KIAA0319L: variants seen among roughly 807,000 people sequenced by gnomAD.
The protein encoded by KIAA0319L is dyslexia-associated protein KIAA0319-like protein.
KIAA0319L carries 55 observed loss-of-function variants against 120.1 expected under a neutral mutation model. The ratio of observed to expected loss-of-function variants is 0.46; its 90% confidence interval spans 0.37 to 0.57. The LOEUF (loss-of-function observed/expected upper bound fraction) is 0.57. Among genes scored for constraint, KIAA0319L ranks in the 20% least tolerant of loss-of-function variants. The pLI, the probability that KIAA0319L is intolerant of heterozygous loss-of-function variation, is 0.00. For missense variants in KIAA0319L, 1,049 were observed against 1,255.3 expected (o/e 0.84, Z 2.48); for synonymous variants, 398 against 471.9 (o/e 0.84, Z 2.03).
At chr1:35,447,672 A>C (rs1023462532) in intron 16 of KIAA0319L, among the ~76,000 whole-genome samples, 12 of 151,666 alleles carry the variant, frequency 7.9e-5, no homozygotes, top group Non-Finnish European at 1.6e-4. Flanking sequence ...CCTGGGCTCA[A>C]GTAATTCTCC....
In KIAA0319L at chr1:35,437,245, C is replaced by T. The variant is rs528974536; in HGVS notation, c.2963-2164G>A. Among the ~76,000 whole-genome samples the T allele has an allele frequency of 5.9e-5, 9 of 152,328 alleles. No homozygotes were observed. The East Asian group carries it at 9.6e-4, about 16-fold the overall frequency. ...TCACCTCTGCAGCGCGGCACTTCTC[C>T]GGGCCATCACCGCCCGTTTCTCCCC... is the stretch of plus-strand genomic sequence containing the variant. On this transcript the variant is annotated intron_variant, in intron 20 of 20. Coordinates refer to ENST00000325722, the MANE Select transcript of KIAA0319L (RefSeq NM_024874.5). This position sits in a 1 kb window ranked among gnomAD's most constrained non-coding sequence, Gnocchi z 4.1.
At position 35,453,757 on chromosome 1, in the gene KIAA0319L, A is replaced by G. The variant is rs910414230; in HGVS notation, c.1781-68T>C. ...TGGGAAAGGAGAGGAACCAATTGGG[A>G]CACATGTTCTGGAAGCCATGGACTC... On this transcript the variant is annotated intron_variant, in intron 11 of 20. Coordinates refer to ENST00000325722, the MANE Select transcript of KIAA0319L (RefSeq NM_024874.5). This position sits in a 1 kb window ranked among gnomAD's most constrained non-coding sequence, Gnocchi z 4.1. 1.1e-5 allele frequency: 16 copies of G among 1,504,120 alleles called. No individual in the cohort carries two copies. In the African/African-American group the frequency reaches 2.1e-4, roughly 20 times the overall value. The allele number at this position is 1,504,120 out of a possible 1,614,324, so 93.2% of individuals were successfully genotyped here.
chr1:35,470,831 T>A, intron 6 of KIAA0319L, 32 bp downstream of exon 6: 3 of 1,313,392 alleles, frequency 2.3e-6, no homozygotes, highest in South Asian at 2.4e-5. Flanking sequence ...CTCCTCTACC[T>A]TTGCCCTGCA....
chr1:35,450,454 G>T lies in KIAA0319L; in HGVS notation c.2118C>A (p.Pro706=). The change falls in exon 14 of 21, where the codon CCC becomes CCA. Residue 706 remains proline, a synonymous_variant. Transcript: ENST00000325722. ...KITGNVVITL[P]TSTAELDGSK... is the part of the protein sequence containing the mutation. Reference sequence around the variant, plus strand: ...AGCCATCCAGCTCTGCTGTGCTCGTGGGTAGGGTAATCACCACATTCCCAG... The same window carrying T: ...AGCCATCCAGCTCTGCTGTGCTCGTTGGTAGGGTAATCACCACATTCCCAG... 6.2e-7 allele frequency: 1 copy of T among 1,614,018 alleles called. No individual in the cohort carries two copies. The highest frequency in any genetic ancestry group is 8.5e-7 in the Non-Finnish European group (1 of 1,179,862).
upstream of KIAA0319L, chr1:35,557,567 C>T (rs1648310709): frequency 2.2e-5 from 9 of 412,584 alleles, no homozygotes; most frequent in Admixed American, 2.4e-4. Context: ...GGAATCTGGG[C>T]CCCCAGCCTC....
chr1:35,514,374 A>C (rs554397074), intron 2 of KIAA0319L, among the ~76,000 whole-genome samples: 7 of 151,924 alleles, frequency 4.6e-5, no homozygotes, highest in East Asian at 3.9e-4. Flanking sequence ...TAAAAAAAAA[A>C]AACAAAACTT....
chr1:35,555,284 A>T (rs1453286325), intron 1 of KIAA0319L, among the ~76,000 whole-genome samples: 2 of 152,222 alleles, frequency 1.3e-5, no homozygotes, highest in Non-Finnish European at 2.9e-5. Context: ...AGTTCTGAAG[A>T]AGCAATTCAA....
chr1:35,554,553 G>T, intron 1 of KIAA0319L, 34 bp from the exon 2 acceptor site: 4 of 1,281,272 alleles, frequency 3.1e-6, no homozygotes, highest in Non-Finnish European at 4.3e-6. Context: ...ATTACATGCC[G>T]AGTAATTAAT....
At chr1:35,545,086 C>A (rs1646931945) in intron 2 of KIAA0319L, among the ~76,000 whole-genome samples, 1 of 152,112 alleles carries the variant, frequency 6.6e-6, no homozygotes, top group African/African-American at 2.4e-5. Context: ...CCCAGAAGTC[C>A]AGTGGGAGGG....
intron 2 of KIAA0319L, among the ~76,000 whole-genome samples, chr1:35,544,138 C>T (rs1051549111): frequency 2.0e-5 from 3 of 152,126 alleles, no homozygotes; most frequent in Non-Finnish European, 2.9e-5. Flanking sequence ...GGGGCCAAGG[C>T]GGGCAGATTG....
rs143992851 is a variant in KIAA0319L, at chr1:35,479,004, G to T, written c.875C>A (p.Pro292His). The T allele has an allele frequency of 1.3e-5, 21 of 1,614,014 alleles. No homozygotes were observed. Among genetic ancestry groups the T allele is most frequent in the East Asian group, 2.2e-5 (1 of 44,900 alleles). ...APSYSYATPTPQASFQSTSAP... is the reference protein window; with the variant it reads ...APSYSYATPTHQASFQSTSAP... ...TGAGGTGCTCTGGAAAGAGGCCTGG[G>T]GGGTAGGGGTAGCATAACTGTAGGA... The change falls in exon 4 of 21, where the codon CCC becomes CAC. Residue 292 changes from proline to histidine, a missense_variant. By Grantham distance (77) the Pro-to-His change is moderately conservative (BLOSUM62 -2). Transcript: ENST00000325722.
chr1:35,460,761 C>A (rs1267662160), intron 8 of KIAA0319L, among the ~76,000 whole-genome samples: 1 of 152,152 alleles, frequency 6.6e-6, no homozygotes, highest in Non-Finnish European at 1.5e-5. Context: ...AATTAATTTA[C>A]ACTTGAGATA....
At chr1:35,462,450 G>A (rs892240566) in intron 8 of KIAA0319L, among the ~76,000 whole-genome samples, 171 bp downstream of exon 8, 2 of 152,196 alleles carry the variant, frequency 1.3e-5, no homozygotes, top group African/African-American at 2.4e-5. Flanking sequence ...CCTGTCTGGT[G>A]TGTTGCTTTT....
intron 3 of KIAA0319L, among the ~76,000 whole-genome samples, chr1:35,482,070 T>G (rs1176774038): frequency 6.6e-6 from 1 of 152,040 alleles, no homozygotes; most frequent in Non-Finnish European, 1.5e-5. Context: ...GTGATCCACC[T>G]GCCTTGGCCT....
intron 2 of KIAA0319L, among the ~76,000 whole-genome samples, chr1:35,535,396 T>C (rs1426208554): frequency 6.6e-6 from 1 of 152,132 alleles, no homozygotes; most frequent in African/African-American, 2.4e-5. Context: ...TATTCCACAA[T>C]TGCTCTCTTC....
chr1:35,450,027 CTA>C, intron 14 of KIAA0319L, 22 bp from the exon 15 acceptor site: 1 of 1,613,604 alleles, frequency 6.2e-7, no homozygotes, highest in Non-Finnish European at 8.5e-7. Flanking sequence ...AACAACATGG[CTA>C]TGTTACAGAA....
intron 2 of KIAA0319L, among the ~76,000 whole-genome samples, chr1:35,517,632 G>A (rs1039377265): frequency 6.6e-6 from 1 of 152,024 alleles, no homozygotes; most frequent in African/African-American, 2.4e-5. Context: ...GACAACCTAG[G>A]CAATACCATC....
At chr1:35,530,955 C>T (rs144695610) in intron 2 of KIAA0319L, among the ~76,000 whole-genome samples, 253 of 152,162 alleles carry the variant, frequency 1.7e-3, no homozygotes, top group Non-Finnish European at 2.4e-3. Context: ...AGCAGCAGTG[C>T]GCAGGGAAAG....
chr1:35,491,636 G>A (rs1394439735), intron 3 of KIAA0319L, among the ~76,000 whole-genome samples: 1 of 151,966 alleles, frequency 6.6e-6, no homozygotes, highest in African/African-American at 2.4e-5. Flanking sequence ...TTTAAAAAAA[G>A]GATTAGCGCA....
Sources: allele counts gnomAD v4.1 joint callset (sites outside exome capture counted in the v4.1 genomes callset), GRCh38; gene constraint gnomAD v4.1.1; non-coding constraint Gnocchi (gnomAD v3.1); transcripts MANE v1.5; gene names NCBI Gene and HGNC (gene_info 2026-07-23, HGNC 2026-07-21).